The following PTPRQ variants were observed in gnomAD, a reference collection of about 807,000 sequenced individuals.
PTPRQ encodes protein tyrosine phosphatase receptor type Q.
PTPRQ carries 199 observed loss-of-function variants against 246.0 expected under a neutral mutation model. That is an observed-to-expected ratio of 0.81 (90% CI 0.72 to 0.91). The LOEUF is 0.91. Among genes scored for constraint, PTPRQ ranks in the 40% least tolerant of loss-of-function variants. PTPRQ has a pLI of 0.00. For missense variants in PTPRQ, 2,624 were observed against 2,528.4 expected (o/e 1.04, Z -0.81); for synonymous variants, 869 against 853.2 (o/e 1.02, Z -0.32).
chr12:80,617,015 G>T (rs1237082223), intron 30 of PTPRQ, among the ~76,000 whole-genome samples: 1 of 151,084 alleles, frequency 6.6e-6, no homozygotes, highest in East Asian at 1.9e-4. Context: ...AATTCTACCT[G>T]ATATGTCTCT....
intron 17 of PTPRQ, among the ~76,000 whole-genome samples, chr12:80,515,469 G>A (rs919983960): frequency 3.3e-5 from 5 of 150,408 alleles, no homozygotes; most frequent in Admixed American, 6.6e-5. Flanking sequence ...TGCCCAGGCT[G>A]GAGAGCAATG....
chr12:80,556,437 T>C (rs1314500837), intron 25 of PTPRQ, among the ~76,000 whole-genome samples: 1 of 152,218 alleles, frequency 6.6e-6, no homozygotes, highest in Non-Finnish European at 1.5e-5. Context: ...AAAATTGCTT[T>C]CTATGGGAAG....
chr12:80,516,001 A>G (rs1330513848), intron 17 of PTPRQ, among the ~76,000 whole-genome samples: 1 of 152,090 alleles, frequency 6.6e-6, no homozygotes, highest in Non-Finnish European at 1.5e-5. Flanking sequence ...TTTATCATCC[A>G]TCAAGATGGT....
chr12:80,627,728 A>T (rs1239272140), intron 33 of PTPRQ, among the ~76,000 whole-genome samples: 1 of 152,272 alleles, frequency 6.6e-6, no homozygotes, highest in East Asian at 1.9e-4. Context: ...TTTTAAGTCT[A>T]GTCAGAAATG....
Position 80,583,130 on chromosome 12 carries a change from G to T in PTPRQ, c.4286-4999G>T, listed in dbSNP as rs190515117. Reference sequence around the variant, plus strand: ...CTGTGAAGCTTCTTCTTATCCTTCAGGTCTCTAATTAAATTATCCTTCACC... The same window carrying T: ...CTGTGAAGCTTCTTCTTATCCTTCATGTCTCTAATTAAATTATCCTTCACC... On this transcript the variant is annotated intron_variant, in intron 25 of 44. Transcript: ENST00000644991. Among the ~76,000 whole-genome samples, 9 of 152,120 alleles carry T rather than the reference G, an allele frequency of 5.9e-5. No homozygotes were observed. In the East Asian group the frequency reaches 1.7e-3, roughly 29 times the overall value.
rs1350863785 is a variant in PTPRQ, at chr12:80,514,402, A to ACT, written c.2678+3976_2678+3977dup. On this transcript the variant is annotated intron_variant, in intron 17 of 44. Transcript: ENST00000644991. ...CACACACACACACACACACACACACACTCTCTCTCTCTCTCTCTGCTTTAA... is the reference window on the plus strand; with the variant it reads ...CACACACACACACACACACACACACACTCTCTCTCTCTCTCTCTCTGCTTTAA... Among the ~76,000 whole-genome samples, 68 of 113,018 alleles carry ACT rather than the reference A, an allele frequency of 6.0e-4. 1 individual carries two copies. Among genetic ancestry groups the ACT allele is most frequent in the Middle Eastern group, 4.5e-3 (1 of 222 alleles). 74.1% of individuals were successfully genotyped at this position (113,018 alleles called of 152,430 possible). A position where few individuals can be genotyped will look rare whatever the true frequency, so the allele number is the denominator to read the frequency against.
At position 80,558,119 on chromosome 12, in the gene PTPRQ, C is replaced by CTTTCTTTCTTTTCT. The variant is rs1555197999; in HGVS notation, c.4285+8392_4285+8393insCTTTTCTTTTCTTT. ...CCCTCCTTTCTTCTTTCTTTTCTTTCTTTCTTTTCTTTTCTTTTCTTTTCT... is the reference window on the plus strand; with the variant it reads ...CCCTCCTTTCTTCTTTCTTTTCTTTCTTTCTTTCTTTTCTTTTCTTTTCTTTTCTTTTCTTTTCT... On this transcript the variant is annotated intron_variant, in intron 25 of 44. Transcript: ENST00000644991. Among the ~76,000 whole-genome samples the CTTTCTTTCTTTTCT allele has an allele frequency of 7.3e-5, 7 of 95,662 alleles. No individual in the cohort carries two copies. The East Asian group carries it at 1.5e-3, about 20-fold the overall frequency. 62.8% of individuals were successfully genotyped at this position (95,662 alleles called of 152,430 possible).
chr12:80,543,333 C>A (rs1023687068), intron 23 of PTPRQ, among the ~76,000 whole-genome samples: 1 of 34,236 alleles, frequency 2.9e-5, no homozygotes, highest in Non-Finnish European at 7.5e-5. Flanking sequence ...TACGATATAT[C>A]CTTATTTTTT....
At chr12:80,602,432 A>G (rs1420353627) in intron 26 of PTPRQ, among the ~76,000 whole-genome samples, 1 of 151,728 alleles carries the variant, frequency 6.6e-6, no homozygotes, top group African/African-American at 2.4e-5. Context: ...AGACTTGGTA[A>G]TTTGTAAGAA....
At chr12:80,453,411 A>C (rs1892847543) in intron 3 of PTPRQ, among the ~76,000 whole-genome samples, 1 of 152,156 alleles carries the variant, frequency 6.6e-6, no homozygotes, top group Non-Finnish European at 1.5e-5. Context: ...GCTGGTGAGG[A>C]ACTGCGTTCC....
intron 30 of PTPRQ, among the ~76,000 whole-genome samples, chr12:80,618,463 T>C (rs1299782745): frequency 6.7e-6 from 1 of 150,246 alleles, no homozygotes; most frequent in Non-Finnish European, 1.5e-5. Context: ...TTGGAGATAT[T>C]TGTATGCATT....
intron 8 of PTPRQ, among the ~76,000 whole-genome samples, chr12:80,476,794 C>A (rs970006094): frequency 5.9e-5 from 9 of 152,146 alleles, no homozygotes; most frequent in African/African-American, 2.2e-4. Flanking sequence ...TAACAACAAT[C>A]TGATAATAAG....
chr12:80,495,297 C>T lies in PTPRQ; in HGVS notation c.1808C>T (p.Thr603Met), dbSNP rs924539666. 3.8e-5 allele frequency: 59 copies of T among 1,545,422 alleles called. No individual in the cohort carries two copies. Among genetic ancestry groups the T allele is most frequent in the African/African-American group, 5.5e-5 (4 of 72,622 alleles). Residue 603 changes from threonine (T) to methionine (M), a missense_variant, in exon 12 of 45, where the codon ACG (threonine) becomes ATG (methionine). Coordinates refer to ENST00000644991, the MANE Select transcript of PTPRQ (RefSeq NM_001145026.2). Reference protein sequence around the residue: ...EYPNGKITHYTIYAMELDTNR... With the variant: ...EYPNGKITHYMIYAMELDTNR... ...CCCAATGGAAAAATAACTCACTATACGATTTATGCAATGGAATTGGATACA... is the reference window on the plus strand; with the variant it reads ...CCCAATGGAAAAATAACTCACTATATGATTTATGCAATGGAATTGGATACA...
intron 17 of PTPRQ, among the ~76,000 whole-genome samples, chr12:80,511,347 C>A (rs771906927): frequency 6.6e-6 from 1 of 151,978 alleles, no homozygotes; most frequent in Non-Finnish European, 1.5e-5. Context: ...CTAGTCGTGA[C>A]GAAAGTGGGA....
At chr12:80,582,004 G>A (rs1897454581) in intron 25 of PTPRQ, among the ~76,000 whole-genome samples, 1 of 152,112 alleles carries the variant, frequency 6.6e-6, no homozygotes, top group South Asian at 2.1e-4. Flanking sequence ...GTCTACCAAT[G>A]CTACAAATAT....
chr12:80,674,775 C>G (rs1442453714), intron 43 of PTPRQ, among the ~76,000 whole-genome samples: 1 of 152,072 alleles, frequency 6.6e-6, no homozygotes, highest in African/African-American at 2.4e-5. Context: ...CAAAATACTT[C>G]TCTTTTGATA....
At chr12:80,626,521 T>C (rs1231551346) in intron 33 of PTPRQ, among the ~76,000 whole-genome samples, 2 of 152,226 alleles carry the variant, frequency 1.3e-5, no homozygotes, top group Non-Finnish European at 1.5e-5. Context: ...GCATCTTCAC[T>C]GCAACTCTGT....
chr12:80,575,512 T>G (rs184412595), intron 25 of PTPRQ, among the ~76,000 whole-genome samples: 22 of 151,698 alleles, frequency 1.5e-4, no homozygotes, highest in Non-Finnish European at 2.8e-4. Flanking sequence ...AGCCCAGATG[T>G]TTAAGGTTAC....
chr12:80,449,559 G>A (rs1379051831), intron 3 of PTPRQ, among the ~76,000 whole-genome samples: 3 of 151,806 alleles, frequency 2.0e-5, no homozygotes, highest in South Asian at 2.1e-4. Flanking sequence ...TGTATAAGGT[G>A]TAAGGAAGGG....
Sources: gnomAD v4.1 joint callset for allele counts (sites outside exome capture counted in the v4.1 genomes callset) on GRCh38, gnomAD v4.1.1 for gene constraint, MANE v1.5 for transcripts, NCBI Gene and HGNC (gene_info 2026-07-23, HGNC 2026-07-21) for gene names.